PRMT8: variants seen among roughly 807,000 people sequenced by gnomAD.
The protein encoded by PRMT8 is protein arginine methyltransferase 8, also known as protein arginine N-methyltransferase 8.
In PRMT8, 7 loss-of-function variants were observed where a neutral mutation model predicts 47.1. That is an observed-to-expected ratio of 0.15 (90% CI 0.08 to 0.28). The LOEUF is 0.28. PRMT8 is among the 10% of genes least tolerant of loss of function. The pLI is 1.00. For missense variants in PRMT8, 237 were observed against 505.4 expected (o/e 0.47, Z 5.09); for synonymous variants, 188 against 186.5 (o/e 1.01, Z -0.07).
chr12:3,438,476 C>T (rs1436158236), intron 1 of PRMT8, among the ~76,000 whole-genome samples: 2 of 152,228 alleles, frequency 1.3e-5, no homozygotes. Flanking sequence ...GCTTCCCTTC[C>T]CGCCATGATA....
chr12:3,579,617 C>G (rs1867014393), intron 7 of PRMT8, among the ~76,000 whole-genome samples: 1 of 152,118 alleles, frequency 6.6e-6, no homozygotes, highest in South Asian at 2.1e-4. Context: ...CTTCTGCTTC[C>G]AGGAGAGCCC....
intron 1 of PRMT8, among the ~76,000 whole-genome samples, chr12:3,521,712 G>A (rs1157232794): frequency 1.3e-5 from 2 of 152,218 alleles, no homozygotes; most frequent in Admixed American, 6.5e-5. Flanking sequence ...GACCTCCTGA[G>A]TTAAGGCCAT....
intron 1 of PRMT8, among the ~76,000 whole-genome samples, chr12:3,395,373 A>G (rs1363779881): frequency 6.7e-6 from 1 of 149,726 alleles, no homozygotes; most frequent in Non-Finnish European, 1.5e-5. Flanking sequence ...CCCTCTACAC[A>G]CTGCTTTGAA....
chr12:3,565,049 T>C (rs1866696580), intron 4 of PRMT8, among the ~76,000 whole-genome samples: 1 of 152,216 alleles, frequency 6.6e-6, no homozygotes, highest in Admixed American at 6.5e-5. Context: ...ACAGAAAGAA[T>C]GTGACCTCTT....
Position 3,447,770 on chromosome 12 carries a change from C to T in PRMT8, c.48+66328C>T, listed in dbSNP as rs534861945. ...CTTGTAGCCATCACAAACCCTGACA[C>T]ATCATCAAGGCTTAAATTGGTGTTC... On this transcript the variant is annotated intron_variant, in intron 1 of 9. Coordinates refer to the PRMT8 transcript ENST00000452611. 2.0e-5 allele frequency among the ~76,000 whole-genome samples: 3 copies of T among 152,334 alleles called. No homozygotes were observed. The East Asian group carries it at 5.8e-4, about 29-fold the overall frequency.
intron 1 of PRMT8, among the ~76,000 whole-genome samples, chr12:3,424,768 A>G (rs1292202465): frequency 6.6e-6 from 1 of 152,230 alleles, no homozygotes. Flanking sequence ...TAACCATAAA[A>G]TAATAGCACT....
At chr12:3,591,229 A>G (rs1029124688) in intron 8 of PRMT8, among the ~76,000 whole-genome samples, 2 of 152,168 alleles carry the variant, frequency 1.3e-5, no homozygotes, top group South Asian at 2.1e-4. Flanking sequence ...AAGTACCACT[A>G]TGGCTTTGGG....
rs190023099 is a variant in PRMT8, at chr12:3,457,698, A to G, written c.48+76256A>G. Among the ~76,000 whole-genome samples the G allele has an allele frequency of 2.0e-3, 308 of 152,244 alleles. 1 individual carries two copies. The highest frequency in any genetic ancestry group is 7.3e-3 in the African/African-American group (303 of 41,536). On this transcript the variant is annotated intron_variant, in intron 1 of 9. Coordinates refer to the PRMT8 transcript ENST00000452611. ...TTTTAAATATAGTTTCGAACCACAC[A>G]TAGTTGAAAATTTGGAGAATATAGA...
rs996316642 is a variant in PRMT8, at chr12:3,514,963, T to C, written c.75+23263T>C. ...AAGCTATGTTGACAAACAGAAATTA[T>C]GGATGCCATTCATCCAGCACTTGCT... On this transcript the variant is annotated intron_variant, in intron 1 of 9. Coordinates refer to ENST00000382622, the MANE Select transcript of PRMT8 (RefSeq NM_019854.5). This position sits in a 1 kb window ranked among gnomAD's most constrained non-coding sequence, Gnocchi z 5.9. 6.6e-6 allele frequency among the ~76,000 whole-genome samples: 1 copy of C among 152,262 alleles called. No homozygotes were observed. Among genetic ancestry groups the C allele is most frequent in the Non-Finnish European group, 1.5e-5 (1 of 68,048 alleles).
chr12:3,533,679 G>C (rs745993338), intron 1 of PRMT8, among the ~76,000 whole-genome samples: 1 of 152,170 alleles, frequency 6.6e-6, no homozygotes, highest in African/African-American at 2.4e-5. Context: ...TGCCAGCCCC[G>C]ATGATAAGAC....
At chr12:3,381,526 G>A in intron 1 of PRMT8, 1 of 1,397,440 alleles carries the variant, frequency 7.2e-7, no homozygotes. Flanking sequence ...CGTGTGGGCT[G>A]TTGGCTTTTT....
chr12:3,410,629 C>T (rs932342432), intron 1 of PRMT8, among the ~76,000 whole-genome samples: 1 of 152,198 alleles, frequency 6.6e-6, no homozygotes, highest in Non-Finnish European at 1.5e-5. Context: ...CTGCCTCAGC[C>T]TCCCACACAG....
chr12:3,532,611 CAAAAAAAAAAAAAAAAA>C (rs35698030), intron 1 of PRMT8, among the ~76,000 whole-genome samples: 5 of 24,644 alleles, frequency 2.0e-4, no homozygotes, highest in Admixed American at 5.5e-4. Context: ...GACTCCGTCT[CAAAAAAAAAAAAAAAAA>C]AAAAAAAAAA....
At chr12:3,565,947 A>G (rs990273360) in intron 4 of PRMT8, among the ~76,000 whole-genome samples, 2 of 152,188 alleles carry the variant, frequency 1.3e-5, no homozygotes, top group African/African-American at 4.8e-5. Context: ...CACTCAGGGT[A>G]GAGGTCATGA....
chr12:3,450,442 G>T (rs1021773454), intron 1 of PRMT8, among the ~76,000 whole-genome samples: 12 of 152,168 alleles, frequency 7.9e-5, no homozygotes, highest in African/African-American at 2.9e-4. Flanking sequence ...GTACTGAAAA[G>T]CTCTCAAGGA....
intron 1 of PRMT8, among the ~76,000 whole-genome samples, chr12:3,470,001 C>G (rs1398584108): frequency 1.3e-5 from 2 of 152,174 alleles, no homozygotes; most frequent in African/African-American, 4.8e-5. Flanking sequence ...GGAATGACAC[C>G]TCAACACAAT....
intron 4 of PRMT8, among the ~76,000 whole-genome samples, chr12:3,558,629 A>C (rs1435813703): frequency 1.3e-5 from 2 of 152,150 alleles, no homozygotes; most frequent in African/African-American, 2.4e-5. Flanking sequence ...CATGGTCTTG[A>C]CACATTGGAA....
rs1170698137 is a variant in PRMT8 at position 3,395,081 on chromosome 12, G to A, written c.48+13639G>A. The stretch of plus-strand genomic sequence containing the variant: ...TATCCCCTTTATCATTTTTTATTGC[G>A]TCTATTTGATTCTTCTCGCTTTTTT... On this transcript the variant is annotated intron_variant, in intron 1 of 9. Coordinates refer to the PRMT8 transcript ENST00000452611. Among the ~76,000 whole-genome samples, 17 of 150,030 alleles carry A rather than the reference G, an allele frequency of 1.1e-4. 1 individual carries two copies. The highest frequency in any genetic ancestry group is 6.0e-4 in the Admixed American group (9 of 15,120).
intron 1 of PRMT8, among the ~76,000 whole-genome samples, chr12:3,461,760 C>A (rs1276345293): frequency 1.3e-5 from 2 of 152,074 alleles, no homozygotes; most frequent in Non-Finnish European, 2.9e-5. Flanking sequence ...GAGGCTGAGA[C>A]ACAAAGTATA....
Sources: allele counts gnomAD v4.1 joint callset (sites outside exome capture counted in the v4.1 genomes callset), GRCh38; gene constraint gnomAD v4.1.1; non-coding constraint Gnocchi (gnomAD v3.1); transcripts MANE v1.5; gene names NCBI Gene and HGNC (gene_info 2026-07-23, HGNC 2026-07-21).